MYRIP: variants seen among roughly 807,000 people sequenced by gnomAD.
MYRIP encodes the protein myosin VIIA and Rab interacting protein.
In MYRIP, 49 loss-of-function variants were observed where a neutral mutation model predicts 98.0. The observed-to-expected ratio is 0.50, with a 90% CI of 0.40 to 0.63. MYRIP has a LOEUF of 0.63. MYRIP is among the 30% of genes least tolerant of loss of function. MYRIP has a pLI of 0.00. For missense variants in MYRIP, 1,004 were observed against 1,058.2 expected (o/e 0.95, Z 0.71); for synonymous variants, 404 against 409.5 (o/e 0.99, Z 0.16).
intron 10 of MYRIP, among the ~76,000 whole-genome samples, chr3:40,198,019 A>T (rs1282804938): frequency 6.6e-6 from 1 of 152,180 alleles, no homozygotes; most frequent in Non-Finnish European, 1.5e-5. Context: ...GAATACAGAG[A>T]TAATGAATGA....
intron 3 of MYRIP, among the ~76,000 whole-genome samples, chr3:40,110,918 GT>G: frequency 9.3e-6 from 1 of 107,330 alleles, no homozygotes; most frequent in East Asian, 2.5e-4. Context: ...GTGTGTGTGT[GT>G]GTGTGTGTAG....
chr3:40,023,543 A>AC (rs1947051084), intron 2 of MYRIP, among the ~76,000 whole-genome samples: 1 of 151,804 alleles, frequency 6.6e-6, no homozygotes, highest in African/African-American at 2.4e-5. Flanking sequence ...TACTGATGGG[A>AC]CCCCCACTGC....
chr3:40,031,200 G>A (rs891948558), intron 2 of MYRIP, among the ~76,000 whole-genome samples: 2 of 152,032 alleles, frequency 1.3e-5, no homozygotes, highest in Admixed American at 6.6e-5. Flanking sequence ...TTCTCTCTGT[G>A]TCCTCACATC....
intron 2 of MYRIP, among the ~76,000 whole-genome samples, chr3:39,904,883 A>G (rs1943840105): frequency 6.6e-6 from 1 of 152,192 alleles, no homozygotes; most frequent in Non-Finnish European, 1.5e-5. Context: ...CATTAAAGCT[A>G]TATGTTTATA....
intron 8 of MYRIP, among the ~76,000 whole-genome samples, chr3:40,179,850 T>C (rs1254792898): frequency 6.6e-6 from 1 of 152,192 alleles, no homozygotes; most frequent in Non-Finnish European, 1.5e-5. Context: ...AATCCCAAGG[T>C]ACACCAGGGC....
chr3:40,087,519 A>G (rs1191091932), intron 3 of MYRIP, among the ~76,000 whole-genome samples: 1 of 152,178 alleles, frequency 6.6e-6, no homozygotes, highest in Admixed American at 6.5e-5. Flanking sequence ...GAGGGCATTT[A>G]TCTAGTGTGA....
chr3:40,151,824 T>G (rs1377219977), intron 4 of MYRIP, among the ~76,000 whole-genome samples: 1 of 152,226 alleles, frequency 6.6e-6, no homozygotes, highest in East Asian at 1.9e-4. Context: ...TTTCTTTCTA[T>G]CTGGTGGCAG....
Position 40,169,979 on chromosome 3 carries a change from G to C in MYRIP, c.759G>C (p.Glu253Asp). The change falls in exon 8 of 17, where the codon GAG becomes GAC. Residue 253 changes from glutamate (E) to aspartate (D), a missense_variant. Glu to Asp is a conservative substitution (Grantham distance 45). Around this residue, in one of 3 missense-constraint regions of MYRIP, gnomAD observed 880 missense variants for 907.7 expected, o/e 0.97. Transcript: ENST00000302541. ...TACGAAAACAGAAGAGCAAAAGTGA[G>C]CAGCAAGTGGAAGAAGAGCCAGGAT... ...KIIRKQKSKSEQQVEEEPGWP... is the reference protein window; with the variant it reads ...KIIRKQKSKSDQQVEEEPGWP... 1 of 1,614,222 alleles carries C rather than the reference G, an allele frequency of 6.2e-7. No homozygotes were observed. The highest frequency in any genetic ancestry group is 1.3e-5 in the African/African-American group (1 of 75,066).
In MYRIP at chr3:39,828,240, T is replaced by C. The variant is rs565789676; in HGVS notation, c.-31+18324T>C. ...ATAATGTGACTATTTATTTGCTTAGTGGTGTTCCATAAATTCTGTAGGCCT... is the reference window on the plus strand; with the variant it reads ...ATAATGTGACTATTTATTTGCTTAGCGGTGTTCCATAAATTCTGTAGGCCT... On this transcript the variant is annotated intron_variant, in intron 1 of 16. Transcript: ENST00000302541. Among the ~76,000 whole-genome samples, 4 of 152,202 alleles carry C rather than the reference T, an allele frequency of 2.6e-5. No homozygotes were observed. The East Asian group carries it at 7.7e-4, about 29-fold the overall frequency.
intron 12 of MYRIP, among the ~76,000 whole-genome samples, chr3:40,237,496 G>A (rs1021770061): frequency 1.3e-5 from 2 of 152,148 alleles, no homozygotes; most frequent in Non-Finnish European, 2.9e-5. Flanking sequence ...CCCCAGACTG[G>A]GAATGAGATA....
At chr3:40,018,941 T>C (rs911309557) in intron 2 of MYRIP, among the ~76,000 whole-genome samples, 4 of 152,144 alleles carry the variant, frequency 2.6e-5, no homozygotes, top group Admixed American at 2.0e-4. Context: ...AGCTCCAACA[T>C]TCTATGCAGC....
chr3:39,946,345 C>T (rs373092147), intron 2 of MYRIP, among the ~76,000 whole-genome samples: 30 of 152,216 alleles, frequency 2.0e-4, no homozygotes, highest in African/African-American at 6.7e-4. Flanking sequence ...CTATCCAACC[C>T]TCTAACCTGG....
intron 4 of MYRIP, among the ~76,000 whole-genome samples, chr3:40,156,231 A>C (rs1040497984): frequency 9.2e-5 from 14 of 151,864 alleles, no homozygotes; most frequent in African/African-American, 3.4e-4. Context: ...TTTTCCCAGC[A>C]CCATTTATTA....
At chr3:40,042,654 ATAAAG>A (rs1575490106) in intron 2 of MYRIP, among the ~76,000 whole-genome samples, 1 of 152,192 alleles carries the variant, frequency 6.6e-6, no homozygotes, top group African/African-American at 2.4e-5. Flanking sequence ...AAAAAAAGTA[ATAAAG>A]TAAAATAGTA....
At chr3:40,248,061 A>T (rs1289228026) in intron 13 of MYRIP, 1 of 152,278 alleles carries the variant, frequency 6.6e-6, no homozygotes, top group Non-Finnish European at 1.5e-5. Context: ...GTTCTCACCC[A>T]AAGTCTAGTT....
intron 13 of MYRIP, among the ~76,000 whole-genome samples, chr3:40,247,772 C>A (rs990022763): frequency 2.0e-5 from 3 of 152,246 alleles, no homozygotes; most frequent in Admixed American, 1.3e-4. Context: ...AATCCACCAG[C>A]CTTGGCCTCC....
chr3:40,023,408 C>T (rs1317151699), intron 2 of MYRIP, among the ~76,000 whole-genome samples: 2 of 152,112 alleles, frequency 1.3e-5, no homozygotes, highest in African/African-American at 4.8e-5. Flanking sequence ...TAATGTTACC[C>T]AGAGATCAGT....
chr3:39,900,985 G>T (rs1943729245), intron 2 of MYRIP, 59 bp downstream of exon 2: 2 of 1,280,226 alleles, frequency 1.6e-6, no homozygotes, highest in African/African-American at 2.9e-5. Context: ...AAGCGTAACA[G>T]GTTTCCTGAG....
intron 1 of MYRIP, among the ~76,000 whole-genome samples, chr3:39,866,563 C>T (rs1013597583): frequency 1.3e-5 from 2 of 151,920 alleles, no homozygotes; most frequent in Admixed American, 6.6e-5. Flanking sequence ...CTCCACCTCC[C>T]GGGTTCAAGT....
Sources: allele counts gnomAD v4.1 joint callset (sites outside exome capture counted in the v4.1 genomes callset), GRCh38; gene constraint gnomAD v4.1.1; regional missense constraint gnomAD v4.1.1; transcripts MANE v1.5; gene names NCBI Gene and HGNC (gene_info 2026-07-23, HGNC 2026-07-21).